ZFP1: variants seen among roughly 807,000 people sequenced by gnomAD.
ZFP1 encodes zinc finger protein 1 homolog.
A neutral mutation model predicts 38.5 loss-of-function variants in ZFP1; 32 were observed. That is an observed-to-expected ratio of 0.83 (90% CI 0.63 to 1.12). The LOEUF is 1.12. Ranked by LOEUF, ZFP1 falls within the 50% of genes most tolerant of loss-of-function variation. The pLI, the probability that ZFP1 is intolerant of heterozygous loss-of-function variation, is 0.00. For missense variants in ZFP1, 616 were observed against 480.8 expected, an observed-to-expected ratio of 1.28 and a Z score of -2.63; for synonymous variants, 245 against 168.8, an observed-to-expected ratio of 1.45 and a Z score of -3.50.
At chr16:75,163,611 T>G (rs1196647265) in intron 2 of ZFP1, among the ~76,000 whole-genome samples, 1 of 130,384 alleles carries the variant, frequency 7.7e-6, no homozygotes, top group Admixed American at 7.4e-5. Flanking sequence ...GCACCCAGCC[T>G]TTTTTTTTTG....
At chr16:75,151,657 A>G (rs561125153) in intron 1 of ZFP1, among the ~76,000 whole-genome samples, 1 of 152,324 alleles carries the variant, frequency 6.6e-6, no homozygotes, top group Admixed American at 6.5e-5. Flanking sequence ...GTTGCAGAAT[A>G]TTGACATATG....
chr16:75,149,987 G>C (rs975585168), intron 1 of ZFP1, among the ~76,000 whole-genome samples: 5 of 151,488 alleles, frequency 3.3e-5, no homozygotes, highest in African/African-American at 1.2e-4. Flanking sequence ...GTTTCACCAT[G>C]TTGGCCCGGC....
Position 75,171,258 on chromosome 16 carries a change from C to G in ZFP1, c.*924C>G, listed in dbSNP as rs761548686. The G allele has an allele frequency of 6.6e-6, 1 of 152,130 alleles. No homozygotes were observed. The highest frequency in any genetic ancestry group is 1.5e-5 in the Non-Finnish European group (1 of 68,028). The allele number at this position is 152,130 out of a possible 1,614,324, so 9.4% of individuals were successfully genotyped here. On this transcript the variant is annotated 3_prime_UTR_variant, in exon 4 of 4. Coordinates refer to ENST00000570010, the MANE Select transcript of ZFP1 (RefSeq NM_153688.4). The stretch of plus-strand genomic sequence containing the variant: ...TTTCCCTTAATATTTCATGAATTGT[C>G]TAGCAAAAATGGTAGGATGCTTCTG...
upstream of ZFP1, among the ~76,000 whole-genome samples, chr16:75,147,120 G>T (rs1396959143): frequency 1.3e-5 from 2 of 152,114 alleles, no homozygotes; most frequent in Non-Finnish European, 2.9e-5. Context: ...GATTTCCAGG[G>T]GTTGTGGGAT....
At chr16:75,143,157 A>T in the ZFP1 span, among the ~76,000 whole-genome samples, 213 of 151,890 alleles carry the variant, frequency 1.4e-3, no homozygotes, top group African/African-American at 4.8e-3. Context: ...AATGGCAAAT[A>T]AAAAAAAAGA....
chr16:75,143,348 C>CCT, the ZFP1 span, among the ~76,000 whole-genome samples: 2 of 151,660 alleles, frequency 1.3e-5, no homozygotes, highest in African/African-American at 4.9e-5. Context: ...TTCAAGCAAT[C>CCT]CTCCTGCCTC....
chr16:75,147,902 G>A (rs1469178724), upstream of ZFP1, among the ~76,000 whole-genome samples: 2 of 152,282 alleles, frequency 1.3e-5, no homozygotes, highest in East Asian at 3.9e-4. Context: ...TAAGAAGATA[G>A]ATCTTAAGTG....
intron 3 of ZFP1, 48 bp from the exon 4 acceptor site, chr16:75,169,205 T>C (rs1018486958): frequency 1.3e-6 from 2 of 1,549,370 alleles, no homozygotes; most frequent in Non-Finnish European, 1.7e-6. Context: ...GGTAACATTA[T>C]AGCGGAGGCA....
At chr16:75,135,038 C>A in the ZFP1 span, among the ~76,000 whole-genome samples, 1 of 148,272 alleles carries the variant, frequency 6.7e-6, no homozygotes, top group Non-Finnish European at 1.5e-5. Context: ...TGGGCAACAA[C>A]AGTGAAACTC....
chr16:75,120,826 C>T, the ZFP1 span, among the ~76,000 whole-genome samples: 24 of 151,826 alleles, frequency 1.6e-4, no homozygotes, highest in African/African-American at 2.9e-4. Context: ...CGGGTTTCAC[C>T]GTGTTAGCCA....
upstream of ZFP1, among the ~76,000 whole-genome samples, chr16:75,144,663 C>G (rs35738398): frequency 0.4 from 61,293 of 151,984 alleles, 13,020 homozygotes; most frequent in Middle Eastern, 0.55. Flanking sequence ...CTCATTATCC[C>G]AAACAGAAAC....
At chr16:75,122,977 T>C in the ZFP1 span, among the ~76,000 whole-genome samples, 1 of 152,136 alleles carries the variant, frequency 6.6e-6, no homozygotes, top group Non-Finnish European at 1.5e-5. Flanking sequence ...TAAGTAAATA[T>C]TATAGGATAA....
the ZFP1 span, among the ~76,000 whole-genome samples, chr16:75,141,369 A>C: frequency 1.3e-5 from 2 of 151,316 alleles, no homozygotes; most frequent in Non-Finnish European, 2.9e-5. Context: ...CACCTGGCTA[A>C]TTTTTTGTAT....
chr16:75,134,483 G>A, the ZFP1 span, among the ~76,000 whole-genome samples: 13 of 151,800 alleles, frequency 8.6e-5, 1 homozygote, highest in Admixed American at 4.6e-4. Flanking sequence ...TGGGCTGGGC[G>A]CGGTGGCTCA....
intron 1 of ZFP1, among the ~76,000 whole-genome samples, chr16:75,151,995 T>C (rs550821074): frequency 4.2e-4 from 64 of 152,284 alleles, no homozygotes; most frequent in African/African-American, 1.4e-3. Flanking sequence ...TTTAGTTGCT[T>C]TTTTGTTGTT....
At chr16:75,159,883 G>C (rs1247336588) in intron 2 of ZFP1, among the ~76,000 whole-genome samples, 1 of 152,132 alleles carries the variant, frequency 6.6e-6, no homozygotes, top group Admixed American at 6.5e-5. Flanking sequence ...GTATCGGTTT[G>C]GTCATACTCC....
the ZFP1 span, among the ~76,000 whole-genome samples, chr16:75,143,456 G>A: frequency 6.6e-6 from 1 of 151,966 alleles, no homozygotes; most frequent in African/African-American, 2.4e-5. Context: ...ATGTTGGCCA[G>A]GCTGGTCTCG....
At chr16:75,132,652 C>CTTTTTTTTTTTTTT in the ZFP1 span, 1 of 104,294 alleles carries the variant, frequency 9.6e-6, no homozygotes, top group Non-Finnish European at 1.8e-5. Context: ...CATTTCATTT[C>CTTTTTTTTTTTTTT]TTTTTTTTTT....
At chr16:75,135,065 C>CA in the ZFP1 span, among the ~76,000 whole-genome samples, 4 of 145,768 alleles carry the variant, frequency 2.7e-5, no homozygotes, top group East Asian at 4.2e-4. Flanking sequence ...AAAAAAAAAA[C>CA]AAAAAAAACT....
Sources: allele counts gnomAD v4.1 joint callset (sites outside exome capture counted in the v4.1 genomes callset), GRCh38; gene constraint gnomAD v4.1.1; transcripts MANE v1.5; gene names NCBI Gene and HGNC (gene_info 2026-07-23, HGNC 2026-07-21).